Variants in PHACTR1 observed in about 807,000 individuals in gnomAD.
PHACTR1 encodes the protein RPEL repeat containing 1.
A neutral mutation model predicts 69.2 loss-of-function variants in PHACTR1; 16 were observed. The ratio of observed to expected loss-of-function variants is 0.23; its 90% CI spans 0.16 to 0.35. PHACTR1 has a LOEUF of 0.35. PHACTR1 is among the 10% of genes least tolerant of loss of function. The pLI, the probability that PHACTR1 is intolerant of heterozygous loss-of-function variation, is 1.00. For missense variants in PHACTR1, 510 were observed against 734.7 expected, an observed-to-expected ratio of 0.69 and a Z score of 3.54; for synonymous variants, 312 against 284.5, an observed-to-expected ratio of 1.10 and a Z score of -0.97.
At chr6:13,093,443 C>T (rs769524764) in intron 5 of PHACTR1, among the ~76,000 whole-genome samples, 8 of 152,184 alleles carry the variant, frequency 5.3e-5, no homozygotes, top group Non-Finnish European at 1.0e-4. Flanking sequence ...CAATCAGCCT[C>T]CCACGGCCAT....
At chr6:13,191,715 A>G (rs937333892) in intron 7 of PHACTR1, among the ~76,000 whole-genome samples, 15 of 152,112 alleles carry the variant, frequency 9.9e-5, no homozygotes, top group African/African-American at 3.1e-4. Context: ...TAACTCTGAG[A>G]ATTGGTCAGC....
At chr6:13,242,054 A>G (rs1772932710) in intron 10 of PHACTR1, among the ~76,000 whole-genome samples, 1 of 151,876 alleles carries the variant, frequency 6.6e-6, no homozygotes, top group Non-Finnish European at 1.5e-5. Context: ...AAAAAAAAAA[A>G]AGGAATAAGT....
chr6:13,186,383 G>C (rs776966759), intron 7 of PHACTR1, among the ~76,000 whole-genome samples: 1 of 152,280 alleles, frequency 6.6e-6, no homozygotes, highest in East Asian at 1.9e-4. Context: ...TTTATTAGCT[G>C]CTTGGATGGA....
chr6:13,147,077 T>C lies in PHACTR1; in HGVS notation c.416-13127T>C, dbSNP rs1453051067. On this transcript the variant is annotated intron_variant, in intron 5 of 14. Transcript: ENST00000332995. ...AAAAAGTCTGTCCTAATAGGTGATA[T>C]ATATGTGAAAGGACAAAGTGAAGGT... 2.0e-5 allele frequency among the ~76,000 whole-genome samples: 3 copies of C among 152,246 alleles called. No homozygotes were observed. The East Asian group carries it at 5.8e-4, about 29-fold the overall frequency.
intron 7 of PHACTR1, among the ~76,000 whole-genome samples, chr6:13,199,827 A>C (rs921930522): frequency 6.6e-5 from 10 of 152,152 alleles, no homozygotes; most frequent in Non-Finnish European, 2.9e-5. Flanking sequence ...CTTATCATTT[A>C]CAAAAGGCTC....
At chr6:13,272,413 G>T in intron 10 of PHACTR1, 1 of 173,914 alleles carries the variant, frequency 5.7e-6, no homozygotes, top group Non-Finnish European at 1.2e-5. Flanking sequence ...CATGTCCCCG[G>T]GGCCACAGAC....
At chr6:13,048,110 T>C (rs903115470) in intron 4 of PHACTR1, among the ~76,000 whole-genome samples, 1 of 152,230 alleles carries the variant, frequency 6.6e-6, no homozygotes, top group African/African-American at 2.4e-5. Flanking sequence ...AGTTTTGTCA[T>C]AAGTGGGAGC....
At chr6:13,047,648 A>G (rs773317740) in intron 4 of PHACTR1, among the ~76,000 whole-genome samples, 14 of 151,348 alleles carry the variant, frequency 9.3e-5, no homozygotes, top group Non-Finnish European at 1.8e-4. Flanking sequence ...CATTTAGCAC[A>G]TGGGGAGATC....
intron 10 of PHACTR1, chr6:13,264,909 C>T (rs1190062253): frequency 6.6e-6 from 1 of 151,994 alleles, no homozygotes; most frequent in East Asian, 1.9e-4. Flanking sequence ...ATAGTCCCAG[C>T]TGCTCAGGAG....
At chr6:13,060,924 A>G (rs1041788747) in intron 5 of PHACTR1, among the ~76,000 whole-genome samples, 1 of 152,216 alleles carries the variant, frequency 6.6e-6, no homozygotes, top group Non-Finnish European at 1.5e-5. Flanking sequence ...ACAAATTACT[A>G]TAAACTTGGT....
intron 10 of PHACTR1, among the ~76,000 whole-genome samples, chr6:13,269,103 C>T (rs1008975737): frequency 4.0e-5 from 6 of 148,956 alleles, no homozygotes; most frequent in African/African-American, 9.9e-5. Flanking sequence ...GCAGACACTT[C>T]GCATAAGACT....
chr6:13,280,034 C>T (rs1036609445), intron 12 of PHACTR1: 1 of 152,120 alleles, frequency 6.6e-6, no homozygotes, highest in East Asian at 1.9e-4. Context: ...TGCTAAAAGA[C>T]GGTCACAGAG....
chr6:13,063,432 A>C (rs1218550488), intron 5 of PHACTR1, among the ~76,000 whole-genome samples: 1 of 152,098 alleles, frequency 6.6e-6, no homozygotes, highest in Non-Finnish European at 1.5e-5. Context: ...GCAGAACAGA[A>C]TGTAGGAGAG....
intron 4 of PHACTR1, among the ~76,000 whole-genome samples, chr6:12,848,269 A>G (rs1352717438): frequency 6.6e-6 from 1 of 152,244 alleles, no homozygotes; most frequent in Non-Finnish European, 1.5e-5. Context: ...CGCTAATGGA[A>G]GATCAAGATT....
intron 4 of PHACTR1, among the ~76,000 whole-genome samples, chr6:12,839,369 T>C (rs1477594166): frequency 1.3e-5 from 2 of 152,162 alleles, no homozygotes; most frequent in African/African-American, 2.4e-5. Context: ...CAAGCTATCA[T>C]TCCTTCCCTT....
At chr6:13,024,023 G>A (rs1470101990) in intron 4 of PHACTR1, among the ~76,000 whole-genome samples, 1 of 151,840 alleles carries the variant, frequency 6.6e-6, no homozygotes, top group Non-Finnish European at 1.5e-5. Context: ...GTTGGAGTGA[G>A]CTGAGATCGA....
chr6:12,981,944 T>C (rs940322065), intron 4 of PHACTR1, among the ~76,000 whole-genome samples: 1 of 152,224 alleles, frequency 6.6e-6, no homozygotes, highest in Non-Finnish European at 1.5e-5. Context: ...CACCTGGGCT[T>C]GCTTTCTTTC....
intron 6 of PHACTR1, among the ~76,000 whole-genome samples, chr6:13,177,526 G>A (rs1761556035): frequency 6.6e-6 from 1 of 152,052 alleles, no homozygotes; most frequent in Admixed American, 6.5e-5. Flanking sequence ...GTACCCATGA[G>A]AGCCTGAAAG....
chr6:13,206,275 C>CA lies in PHACTR1; in HGVS notation c.986+145dup, dbSNP rs560635442. 161 of 925,610 alleles carry CA rather than the reference C, an allele frequency of 1.7e-4. No homozygotes were observed. In the African/African-American group the frequency reaches 2.5e-3, roughly 14 times the overall value. 57.3% of individuals were successfully genotyped at this position (925,610 alleles called of 1,614,324 possible). The stretch of plus-strand genomic sequence containing the variant: ...GAAAATGTTTGAAAGTAAAATGAGA[C>CA]AAAAAACTGAAGGTCAAAGCATGGA... On this transcript the variant is annotated intron_variant, in intron 8 of 14. Coordinates refer to ENST00000332995, the MANE Select transcript of PHACTR1 (RefSeq NM_030948.6).
Sources: gnomAD v4.1 joint callset for allele counts (sites outside exome capture counted in the v4.1 genomes callset) on GRCh38, gnomAD v4.1.1 for gene constraint, MANE v1.5 for transcripts, NCBI Gene and HGNC (gene_info 2026-07-23, HGNC 2026-07-21) for gene names.